The following DPP6 variants were observed in gnomAD, a reference collection of about 807,000 sequenced individuals.
The protein encoded by DPP6 is dipeptidyl peptidase like 6.
DPP6 carries 69 observed loss-of-function variants against 122.6 expected under a neutral mutation model. The ratio of observed to expected loss-of-function variants is 0.56; its 90% confidence interval spans 0.46 to 0.69. DPP6 has a LOEUF of 0.69. DPP6 is among the 30% of genes least tolerant of loss of function. The pLI, the probability that DPP6 is intolerant of heterozygous loss-of-function variation, is 0.00. For missense variants in DPP6, 928 were observed against 1,116.9 expected, an observed-to-expected ratio of 0.83 and a Z score of 2.41; for synonymous variants, 418 against 433.1, an observed-to-expected ratio of 0.97 and a Z score of 0.43.
chr7:154,579,029 G>T (rs1186852959), intron 5 of DPP6, among the ~76,000 whole-genome samples: 1 of 152,130 alleles, frequency 6.6e-6, no homozygotes, highest in South Asian at 2.1e-4. Flanking sequence ...ATTCTTTCTG[G>T]CTGCCAGAGA....
intron 1 of DPP6, among the ~76,000 whole-genome samples, chr7:154,385,162 G>C (rs1035440395): frequency 3.3e-5 from 5 of 152,038 alleles, no homozygotes; most frequent in South Asian, 2.1e-4. Flanking sequence ...GTAGAGACAG[G>C]GTTTCACCGT....
At chr7:154,766,196 C>T (rs1478620891) in intron 8 of DPP6, among the ~76,000 whole-genome samples, 6 of 152,208 alleles carry the variant, frequency 3.9e-5, no homozygotes, top group Admixed American at 3.9e-4. Flanking sequence ...ACAGGTTCTT[C>T]GCATGTGCCA....
intron 5 of DPP6, among the ~76,000 whole-genome samples, chr7:154,625,710 G>T (rs1186464914): frequency 2.6e-5 from 4 of 152,208 alleles, no homozygotes; most frequent in Non-Finnish European, 4.4e-5. Context: ...AGCTGCTGCG[G>T]GCAGGGTGTG....
intron 1 of DPP6, among the ~76,000 whole-genome samples, chr7:154,128,308 G>C (rs1808084898): frequency 6.6e-6 from 1 of 152,068 alleles, no homozygotes; most frequent in Admixed American, 6.5e-5. Flanking sequence ...GGCTAGACAT[G>C]GTGGCTCACA....
chr7:154,747,661 A>G (rs1295683765), intron 8 of DPP6, among the ~76,000 whole-genome samples: 1 of 152,176 alleles, frequency 6.6e-6, no homozygotes, highest in East Asian at 1.9e-4. Flanking sequence ...TTAGAAAAAA[A>G]AAATAGAACA....
chr7:154,536,920 C>G (rs1828307487), intron 3 of DPP6, among the ~76,000 whole-genome samples: 1 of 152,130 alleles, frequency 6.6e-6, no homozygotes, highest in African/African-American at 2.4e-5. Context: ...ACCATACATT[C>G]ATGTCATTTC....
At chr7:154,759,908 G>A (rs1185639836) in intron 8 of DPP6, among the ~76,000 whole-genome samples, 2 of 152,200 alleles carry the variant, frequency 1.3e-5, no homozygotes, top group East Asian at 1.9e-4. Flanking sequence ...CGGATCACGA[G>A]GTCAGGAGTT....
chr7:154,715,036 T>TATTTTATTTC (rs1350863066), intron 7 of DPP6, among the ~76,000 whole-genome samples: 1 of 58,192 alleles, frequency 1.7e-5, no homozygotes, highest in African/African-American at 4.8e-5. Context: ...ATATGATAAC[T>TATTTTATTTC]ATTTTATTTT....
chr7:153,822,906 G>T, the DPP6 span, among the ~76,000 whole-genome samples: 426 of 152,164 alleles, frequency 2.8e-3, 2 homozygotes, highest in African/African-American at 9.8e-3. Context: ...ATAACATCAG[G>T]CTTTCTGAGG....
the DPP6 span, among the ~76,000 whole-genome samples, chr7:153,858,911 G>A: frequency 1.3e-5 from 2 of 152,108 alleles, no homozygotes; most frequent in African/African-American, 4.8e-5. Flanking sequence ...GTGGTGTGTG[G>A]GGATGCAGTA....
At chr7:154,718,892 G>A (rs943034178) in intron 7 of DPP6, among the ~76,000 whole-genome samples, 3 of 151,862 alleles carry the variant, frequency 2.0e-5, no homozygotes, top group Middle Eastern at 3.2e-3. Flanking sequence ...CACCCGCCTC[G>A]GCCTCCCAAA....
At chr7:153,816,120 T>C in the DPP6 span, among the ~76,000 whole-genome samples, 1 of 151,624 alleles carries the variant, frequency 6.6e-6, no homozygotes, top group African/African-American at 2.4e-5. Context: ...TAATAGAAGC[T>C]AAGAAAATGG....
intron 1 of DPP6, among the ~76,000 whole-genome samples, chr7:154,411,901 A>G (rs948379944): frequency 6.6e-5 from 10 of 152,096 alleles, no homozygotes; most frequent in Non-Finnish European, 1.3e-4. Flanking sequence ...GTTTCAGGAA[A>G]GTGGATTTCC....
At chr7:154,795,943 C>A in intron 12 of DPP6, 60 bp downstream of exon 12, 2 of 1,566,512 alleles carry the variant, frequency 1.3e-6, no homozygotes, top group Admixed American at 2.0e-5. Context: ...CCAGGGCTGG[C>A]CCTCAGAGCT....
intron 1 of DPP6, among the ~76,000 whole-genome samples, chr7:154,063,868 A>AAATT (rs1322193482): frequency 6.6e-6 from 1 of 151,504 alleles, no homozygotes; most frequent in Non-Finnish European, 1.5e-5. Context: ...ACCCTAATAA[A>AAATT]AAAGACAGTG....
chr7:154,206,147 A>G (rs1392083290), intron 1 of DPP6, among the ~76,000 whole-genome samples: 1 of 152,234 alleles, frequency 6.6e-6, no homozygotes, highest in Non-Finnish European at 1.5e-5. Flanking sequence ...TCTCTGACCA[A>G]AGTCCTCATG....
At position 154,292,267 on chromosome 7, in the gene DPP6, C is replaced by G. The variant is rs140497002; in HGVS notation, c.244-153947C>G. 1.3e-3 allele frequency among the ~76,000 whole-genome samples: 204 copies of G among 152,162 alleles called. 2 individuals are homozygous for G. Among genetic ancestry groups the G allele is most frequent in the Non-Finnish European group, 2.5e-3 (173 of 68,002 alleles). ...ATATATATACCAGATTTTCTGGTCCCCCACAAGTTTCACCCTAGTGACTGT... is the reference window on the plus strand; with the variant it reads ...ATATATATACCAGATTTTCTGGTCCGCCACAAGTTTCACCCTAGTGACTGT... On this transcript the variant is annotated intron_variant, in intron 1 of 25. Transcript: ENST00000377770.
chr7:154,594,898 G>C (rs531716273), intron 5 of DPP6, among the ~76,000 whole-genome samples: 1 of 152,158 alleles, frequency 6.6e-6, no homozygotes, highest in Non-Finnish European at 1.5e-5. Flanking sequence ...ACACAATGCC[G>C]GGCGGATTGT....
chr7:153,867,555 G>C, the DPP6 span, among the ~76,000 whole-genome samples: 1 of 152,252 alleles, frequency 6.6e-6, no homozygotes, highest in Non-Finnish European at 1.5e-5. Flanking sequence ...TTTGGGCTGA[G>C]ACAATGGGGT....
Sources: allele counts gnomAD v4.1 joint callset (sites outside exome capture counted in the v4.1 genomes callset), GRCh38; gene constraint gnomAD v4.1.1; transcripts MANE v1.5; gene names NCBI Gene and HGNC (gene_info 2026-07-23, HGNC 2026-07-21).